AMDHD1: variants seen among roughly 807,000 people sequenced by gnomAD.
The protein encoded by AMDHD1 is amidohydrolase domain containing 1, also known as probable imidazolonepropionase.
A neutral mutation model predicts 44.1 loss-of-function variants in AMDHD1; 45 were observed. The ratio of observed to expected loss-of-function variants is 1.02; its 90% CI spans 0.80 to 1.31. The LOEUF (loss-of-function observed/expected upper bound fraction) is 1.31. AMDHD1 is among the 50% of genes most tolerant of loss of function. AMDHD1 has a pLI of 0.00. For missense variants in AMDHD1, 586 were observed against 552.1 expected (o/e 1.06, Z -0.61); for synonymous variants, 206 against 205.0 (o/e 1.00, Z -0.04).
Position 95,956,887 on chromosome 12 carries a change from G to T in AMDHD1, c.512G>T (p.Arg171Leu). ...CTGGAGACCGAGCTCAAGATGCTGC[G>T]CGTGATTGAGCGCGCCCGGCGGGAG... is the stretch of plus-strand genomic sequence containing the variant. Reference protein sequence around the residue: ...LDLETELKMLRVIERARRELD... With the variant: ...LDLETELKMLLVIERARRELD... The change falls in exon 4 of 9, where the codon CGC becomes CTC. Residue 171 changes from arginine to leucine, a missense_variant. Physicochemically the swap from Arg to Leu is moderately radical, Grantham distance 102. Transcript: ENST00000266736. The T allele has an allele frequency of 6.2e-7, 1 of 1,613,880 alleles. No homozygotes were observed. Among genetic ancestry groups the T allele is most frequent in the Non-Finnish European group, 8.5e-7 (1 of 1,180,042 alleles).
chr12:95,962,329 T>C (rs2080586476), intron 5 of AMDHD1, 26 bp from the exon 6 acceptor site: 1 of 1,596,606 alleles, frequency 6.3e-7, no homozygotes. Flanking sequence ...TTGTTAAATC[T>C]TTCCCTCTCT....
intron 8 of AMDHD1, 109 bp downstream of exon 8, chr12:95,966,617 G>A: frequency 7.4e-7 from 1 of 1,360,240 alleles, no homozygotes; most frequent in African/African-American, 1.4e-5. Context: ...TCTGGACTCA[G>A]ACACTATCCA....
At chr12:95,946,121 C>T (rs35929186) in intron 1 of AMDHD1, among the ~76,000 whole-genome samples, 31,797 of 150,576 alleles carry the variant, frequency 0.21, 3,869 homozygotes, top group East Asian at 0.46. Context: ...AAGAGGCTCC[C>T]AGGTGTGGAA....
chr12:95,956,552 C>T, intron 3 of AMDHD1, 133 bp from the exon 4 acceptor site: 1 of 1,250,622 alleles, frequency 8.0e-7, no homozygotes, highest in Non-Finnish European at 1.1e-6. Flanking sequence ...CAGCACCTTT[C>T]TAATCTGATG....
At chr12:95,944,382 G>A (rs914103365) in intron 1 of AMDHD1, among the ~76,000 whole-genome samples, 2 of 139,782 alleles carry the variant, frequency 1.4e-5, no homozygotes, top group African/African-American at 5.5e-5. Flanking sequence ...TTTTTGAGAC[G>A]CATGAGCCAC....
intron 6 of AMDHD1, 62 bp from the exon 7 acceptor site, chr12:95,965,624 T>A (rs1267325471): frequency 1.8e-6 from 2 of 1,127,670 alleles, no homozygotes. Context: ...TCTTCTGTTC[T>A]GAACAGCTAT....
chr12:95,960,397 G>C lies in AMDHD1; in HGVS notation c.588-1G>C, dbSNP rs113476184. The C allele has an allele frequency of 6.8e-6, 11 of 1,613,138 alleles. No homozygotes were observed. In the African/African-American group the frequency reaches 1.5e-4, roughly 22 times the overall value. ...CATGGCAATCTCATTTTCTTCCCCA[G>C]AGGAAAAACTGCTACTGAAGCTGCT... On this transcript the variant is annotated splice_acceptor_variant, in intron 4 of 8. Transcript: ENST00000266736. LOFTEE classifies it high-confidence loss of function.
chr12:95,966,904 A>G (rs926520989), intron 8 of AMDHD1, among the ~76,000 whole-genome samples: 6 of 152,206 alleles, frequency 3.9e-5, no homozygotes, highest in African/African-American at 1.4e-4. Flanking sequence ...ACTGGCTCCC[A>G]AAAGCTTAAA....
At chr12:95,943,805 G>A (rs561938648) in intron 1 of AMDHD1, among the ~76,000 whole-genome samples, 1 of 152,338 alleles carries the variant, frequency 6.6e-6, no homozygotes, top group Non-Finnish European at 1.5e-5. Flanking sequence ...ATCAGAAGGG[G>A]TTGAGGTCCT....
At chr12:95,949,749 T>G (rs2080518384) in intron 1 of AMDHD1, among the ~76,000 whole-genome samples, 1 of 152,208 alleles carries the variant, frequency 6.6e-6, no homozygotes, top group Non-Finnish European at 1.5e-5. Flanking sequence ...ATAGTGAAAA[T>G]CTCACCATAG....
intron 1 of AMDHD1, among the ~76,000 whole-genome samples, chr12:95,948,328 A>C (rs1456560333): frequency 6.5e-5 from 3 of 46,386 alleles, no homozygotes; most frequent in African/African-American, 1.1e-4. Flanking sequence ...TCAGCCCCCC[A>C]CCCGGCCAGC....
intron 4 of AMDHD1, among the ~76,000 whole-genome samples, chr12:95,957,238 A>T (rs1364135248): frequency 1.3e-5 from 2 of 151,980 alleles, no homozygotes; most frequent in Admixed American, 6.6e-5. Context: ...TTAAAATTAC[A>T]CATATTAATT....
chr12:95,955,400 A>G (rs1214164482), intron 3 of AMDHD1, among the ~76,000 whole-genome samples: 2 of 152,168 alleles, frequency 1.3e-5, no homozygotes, highest in South Asian at 4.1e-4. Context: ...TGTTAGTCCT[A>G]TATTAGCTGT....
intron 1 of AMDHD1, among the ~76,000 whole-genome samples, chr12:95,950,928 A>C (rs768076793): frequency 6.6e-6 from 1 of 152,202 alleles, no homozygotes; most frequent in Non-Finnish European, 1.5e-5. Flanking sequence ...TGCTACATAT[A>C]TTTGACGTTT....
intron 1 of AMDHD1, among the ~76,000 whole-genome samples, chr12:95,945,204 A>G (rs752049261): frequency 6.6e-6 from 1 of 152,218 alleles, no homozygotes; most frequent in Non-Finnish European, 1.5e-5. Context: ...GTTCCAAGAC[A>G]TGTTCTATGT....
At chr12:95,963,651 A>G (rs1265188335) in intron 6 of AMDHD1, among the ~76,000 whole-genome samples, 3 of 152,244 alleles carry the variant, frequency 2.0e-5, no homozygotes, top group African/African-American at 7.2e-5. Context: ...ATACATTTCA[A>G]GTGTCATCAG....
At chr12:95,964,411 TGTAATATTTAAATGTATTCAG>T in intron 6 of AMDHD1, among the ~76,000 whole-genome samples, 1 of 152,330 alleles carries the variant, frequency 6.6e-6, no homozygotes, top group East Asian at 1.9e-4. Context: ...TAAATTTGCA[TGTAATATTTAAATGTATTCAG>T]GAAATATTCA....
chr12:95,962,314 G>C, intron 5 of AMDHD1, 41 bp from the exon 6 acceptor site: 1 of 1,584,452 alleles, frequency 6.3e-7, no homozygotes, highest in South Asian at 1.1e-5. Context: ...ATTCGTTGTT[G>C]CTATTTGTTA....
At chr12:95,945,950 T>G (rs542246826) in intron 1 of AMDHD1, among the ~76,000 whole-genome samples, 131 of 152,196 alleles carry the variant, frequency 8.6e-4, no homozygotes, top group African/African-American at 3.1e-3. Context: ...TTCCTAAAAA[T>G]AAATATCTCA....
Sources: allele counts gnomAD v4.1 joint callset (sites outside exome capture counted in the v4.1 genomes callset), GRCh38; gene constraint gnomAD v4.1.1; transcripts MANE v1.5; gene names NCBI Gene and HGNC (gene_info 2026-07-23, HGNC 2026-07-21).